The following CYP4F12 variants were observed in gnomAD, a reference collection of about 807,000 sequenced individuals.
CYP4F12 encodes cytochrome P450 4F12.
CYP4F12 carries 60 observed loss-of-function variants against 56.5 expected under a neutral mutation model. The ratio of observed to expected loss-of-function variants is 1.06; its 90% CI spans 0.86 to 1.32. CYP4F12 has a LOEUF of 1.32. Among genes scored for constraint, CYP4F12 ranks in the 40% most tolerant of loss-of-function variants. The pLI, the probability that CYP4F12 is intolerant of heterozygous loss-of-function variation, is 0.00. For synonymous variants in CYP4F12, 263 were observed against 264.9 expected (o/e 0.99, Z 0.07); for missense variants, 711 against 683.5 (o/e 1.04, Z -0.45).
Position 15,697,056 on chromosome 19 carries a change from G to T in CYP4F12, c.1546G>T (p.Val516Leu). The change falls in exon 13 of 13, where the codon GTG (valine) becomes TTG (leucine). Residue 516 changes from valine to leucine, a missense_variant. Physicochemically the swap from Val to Leu is conservative, Grantham distance 32. Coordinates refer to ENST00000550308, the MANE Select transcript of CYP4F12 (RefSeq NM_023944.4). ...CGCCGAGGGCGGGCTTTGGCTGCGG[G>T]TGGAGCCCCTGAATGTAAGCTTGCA... ...MRAEGGLWLR[V>L]EPLNVSLQ 6.2e-7 allele frequency: 1 copy of T among 1,613,990 alleles called. No individual in the cohort carries two copies. Among genetic ancestry groups the T allele is most frequent in the Non-Finnish European group, 8.5e-7 (1 of 1,179,860 alleles).
intron 7 of CYP4F12, chr19:15,684,048 C>G: frequency 4.5e-6 from 1 of 222,350 alleles, no homozygotes; most frequent in Non-Finnish European, 8.7e-6. Context: ...TTGTCTATGT[C>G]TGTATCTATG....
At chr19:15,682,659 CT>C (rs2007371606) in intron 6 of CYP4F12, 149 bp downstream of exon 6, 1 of 1,244,986 alleles carries the variant, frequency 8.0e-7, no homozygotes, top group African/African-American at 1.5e-5. Flanking sequence ...GGAGAAAGTG[CT>C]GTCTTTCCAG....
chr19:15,697,083 T>A lies in CYP4F12; in HGVS notation c.1573T>A (p.Ter525ArgextTer15), dbSNP rs767255613. 1.9e-6 allele frequency: 3 copies of A among 1,611,440 alleles called. No homozygotes were observed. Among genetic ancestry groups the A allele is most frequent in the Non-Finnish European group, 2.5e-6 (3 of 1,177,958 alleles). The change falls in exon 13 of 13, where the codon TGA becomes AGA. Residue 525 changes from the stop codon to arginine (R), a stop_lost. Coordinates refer to ENST00000550308, the MANE Select transcript of CYP4F12 (RefSeq NM_023944.4). ...GGAGCCCCTGAATGTAAGCTTGCAG[T>A]GACTTTCTGACCCATCCACCTGTTT... Reference protein sequence around the residue: ...RVEPLNVSLQ* With the variant: ...RVEPLNVSLQR
intron 9 of CYP4F12, among the ~76,000 whole-genome samples, chr19:15,693,173 T>TA (rs10558201): frequency 2.6e-5 from 4 of 151,684 alleles, no homozygotes; most frequent in African/African-American, 2.4e-5. Flanking sequence ...AAGCATACAT[T>TA]AAAAAAAATA....
intron 9 of CYP4F12, among the ~76,000 whole-genome samples, chr19:15,693,346 C>A (rs1386495699): frequency 1.3e-5 from 2 of 152,130 alleles, no homozygotes; most frequent in East Asian, 3.9e-4. Flanking sequence ...AGCTCCTTTG[C>A]TTGATCTTAA....
At chr19:15,687,372 A>C (rs139648417) in intron 9 of CYP4F12, among the ~76,000 whole-genome samples, 1 of 152,290 alleles carries the variant, frequency 6.6e-6, no homozygotes, top group East Asian at 1.9e-4. Context: ...GGCTATCTTG[A>C]TGCCCACTTT....
intron 2 of CYP4F12, among the ~76,000 whole-genome samples, chr19:15,677,699 C>T (rs1005339939): frequency 0.4 from 1,025 of 2,574 alleles, 442 homozygotes; most frequent in East Asian, 0.75. Flanking sequence ...TCTCCTCCCT[C>T]ACTTATTCCT....
intron 9 of CYP4F12, among the ~76,000 whole-genome samples, chr19:15,689,762 T>A (rs1295944658): frequency 3.3e-5 from 5 of 152,242 alleles, no homozygotes; most frequent in African/African-American, 7.2e-5. Flanking sequence ...AATGGAATAC[T>A]ACTCAGTCAT....
At chr19:15,678,227 T>C in intron 2 of CYP4F12, 34 bp from the exon 3 acceptor site, 2 of 1,613,656 alleles carry the variant, frequency 1.2e-6, no homozygotes, top group Non-Finnish European at 8.5e-7. Context: ...AAATTAACCA[T>C]CACAGGAAGT....
intron 7 of CYP4F12, 42 bp from the exon 8 acceptor site, chr19:15,684,774 G>C (rs1015379816): frequency 7.5e-6 from 10 of 1,334,608 alleles, no homozygotes; most frequent in Non-Finnish European, 1.1e-5. Flanking sequence ...GTGTGTGTGT[G>C]TGTGTGTGTG....
chr19:15,682,329 C>T (rs896073560), intron 5 of CYP4F12, 60 bp from the exon 6 acceptor site: 1 of 1,596,602 alleles, frequency 6.3e-7, no homozygotes, highest in Non-Finnish European at 8.6e-7. Flanking sequence ...ATGTTTGGGA[C>T]TGGGGAGGGG....
intron 9 of CYP4F12, among the ~76,000 whole-genome samples, chr19:15,689,127 A>AAAT (rs796158245): frequency 7.8e-5 from 7 of 89,236 alleles, no homozygotes; most frequent in Middle Eastern, 5.8e-3. Flanking sequence ...CTGCACAACA[A>AAAT]AATAATAATA....
chr19:15,680,973 G>A (rs968078097), intron 5 of CYP4F12: 1 of 282,538 alleles, frequency 3.5e-6, no homozygotes, highest in Non-Finnish European at 6.9e-6. Flanking sequence ...GTTCATTCAC[G>A]TTTGGGGCTT....
intron 9 of CYP4F12, among the ~76,000 whole-genome samples, chr19:15,691,671 T>C (rs1231268017): frequency 6.6e-6 from 1 of 151,954 alleles, no homozygotes; most frequent in Non-Finnish European, 1.5e-5. Flanking sequence ...TATTTACTTA[T>C]AAGAATGTGT....
chr19:15,696,179 ATAT>A lies in CYP4F12; in HGVS notation c.1272_1274del (p.Ile425del). On this transcript the variant is annotated inframe_deletion, in exon 11 of 13. Coordinates refer to ENST00000550308, the MANE Select transcript of CYP4F12 (RefSeq NM_023944.4). ...CCCACAGGCATTACCTGCCTCATCGATATTATAGGGGTCCATCACAACCCAACT... is the reference window on the plus strand; with the variant it reads ...CCCACAGGCATTACCTGCCTCATCGATATAGGGGTCCATCACAACCCAACT... 1 of 1,613,916 alleles carries A rather than the reference ATAT, an allele frequency of 6.2e-7. No individual in the cohort carries two copies.
intron 3 of CYP4F12, 130 bp downstream of exon 3, chr19:15,678,535 T>G: frequency 8.0e-7 from 1 of 1,242,774 alleles, no homozygotes. Context: ...CTCCCTCCAT[T>G]GCCATCTGCT....
chr19:15,673,492 C>T, intron 1 of CYP4F12, 37 bp from the exon 2 acceptor site: 1 of 1,565,344 alleles, frequency 6.4e-7, no homozygotes, highest in Non-Finnish European at 8.7e-7. Flanking sequence ...CTTCCCTGGG[C>T]CTCAGGTCCT....
At position 15,680,303 on chromosome 19, in the gene CYP4F12, T is replaced by C. The variant is rs965838651; in HGVS notation, c.397+6T>C. ...GTTCCTGAAGCCCTGGCTGGGTGAG[T>C]ACCTGCAGGTGAAAGGGGTTGGGGA... On this transcript the variant is annotated splice_donor_region_variant and intron_variant, in intron 4 of 12. Coordinates refer to ENST00000550308, the MANE Select transcript of CYP4F12 (RefSeq NM_023944.4). 2 of 1,612,512 alleles carry C rather than the reference T, an allele frequency of 1.2e-6. No homozygotes were observed. The highest frequency in any genetic ancestry group is 4.5e-5 in the East Asian group (2 of 44,876).
intron 3 of CYP4F12, 91 bp from the exon 4 acceptor site, chr19:15,680,153 G>A: frequency 6.7e-7 from 1 of 1,492,548 alleles, no homozygotes; most frequent in South Asian, 1.3e-5. Context: ...TGGGCATGGA[G>A]TGGGGAAAGT....
Sources: allele counts gnomAD v4.1 joint callset (sites outside exome capture counted in the v4.1 genomes callset), GRCh38; gene constraint gnomAD v4.1.1; transcripts MANE v1.5; gene names NCBI Gene and HGNC (gene_info 2026-07-23, HGNC 2026-07-21).